The following NVL variants were observed in gnomAD, a reference collection of about 807,000 sequenced individuals.
The protein encoded by NVL is nuclear VCP like, also known as nuclear valosin-containing protein-like.
A neutral mutation model predicts 110.2 loss-of-function variants in NVL; 84 were observed. The observed-to-expected ratio is 0.76, with a 90% confidence interval of 0.64 to 0.91. The LOEUF is 0.91. Among genes scored for constraint, NVL ranks in the 40% least tolerant of loss-of-function variants. The pLI is 0.00. For missense variants in NVL, 882 were observed against 1,035.9 expected, an observed-to-expected ratio of 0.85 and a Z score of 2.04; for synonymous variants, 354 against 361.1, an observed-to-expected ratio of 0.98 and a Z score of 0.22.
chr1:224,317,775 C>T lies in NVL; in HGVS notation c.203G>A (p.Ser68Asn). 1.2e-6 allele frequency: 2 copies of T among 1,602,870 alleles called. No homozygotes were observed. Among genetic ancestry groups the T allele is most frequent in the South Asian group, 1.1e-5 (1 of 90,580 alleles). Residue 68 changes from serine (S) to asparagine (N), a missense_variant, in exon 4 of 23, where the codon AGT (serine) becomes AAT (asparagine). Ser to Asn is a conservative substitution (Grantham distance 46). This residue lies in a region of NVL where 274 missense variants were observed against 268.4 expected (regional missense o/e 1.02). Transcript: ENST00000281701. ...QVEKVFSIIS[S>N]EKELKNLTEL... ...TGTTAAATTCTTAAGTTCCTTCTCACTACTAATTATGCTAAATACTGAAAC... is the reference window on the plus strand; with the variant it reads ...TGTTAAATTCTTAAGTTCCTTCTCATTACTAATTATGCTAAATACTGAAAC...
chr1:224,292,799 G>A (rs1168189090), intron 12 of NVL, among the ~76,000 whole-genome samples: 2 of 151,680 alleles, frequency 1.3e-5, no homozygotes, highest in African/African-American at 4.8e-5. Flanking sequence ...CAGGCTGGAT[G>A]GAGTACAGTG....
At chr1:224,327,906 G>T (rs1671294244) in intron 1 of NVL, among the ~76,000 whole-genome samples, 1 of 151,832 alleles carries the variant, frequency 6.6e-6, no homozygotes, top group African/African-American at 2.4e-5. Flanking sequence ...AAGGTCCTGT[G>T]CTTGGCATGT....
intron 5 of NVL, among the ~76,000 whole-genome samples, chr1:224,310,178 CAAAAAA>C (rs1230097656): frequency 2.6e-5 from 1 of 39,214 alleles, no homozygotes; most frequent in Middle Eastern, 0.013. Context: ...GACTCCCTCG[CAAAAAA>C]AAAAAAAAAA....
rs1449532522 is a variant in NVL, at chr1:224,269,277, C to T, written c.2083-1144G>A. ...TAATTTTCATATTTTTTCTAGAGAT[C>T]CTGTTGCTATATTGCCCAGGCTAGT... On this transcript the variant is annotated intron_variant, in intron 17 of 22. Coordinates refer to ENST00000281701, the MANE Select transcript of NVL (RefSeq NM_002533.4). Among the ~76,000 whole-genome samples the T allele has an allele frequency of 7.3e-5, 11 of 151,346 alleles. 1 individual carries two copies. Among genetic ancestry groups the T allele is most frequent in the Admixed American group, 7.2e-4 (11 of 15,180 alleles).
intron 17 of NVL, among the ~76,000 whole-genome samples, chr1:224,273,612 G>C (rs1456898944): frequency 6.6e-6 from 1 of 152,142 alleles, no homozygotes; most frequent in African/African-American, 2.4e-5. Flanking sequence ...AGATTTACCA[G>C]CTGACAGTAG....
At chr1:224,260,087 C>G (rs1571866185) in intron 18 of NVL, among the ~76,000 whole-genome samples, 2 of 152,302 alleles carry the variant, frequency 1.3e-5, no homozygotes, top group South Asian at 4.1e-4. Flanking sequence ...GCAAAACATA[C>G]AGGGTTGACC....
chr1:224,310,194 A>G (rs201324659), intron 5 of NVL, among the ~76,000 whole-genome samples: 36 of 151,826 alleles, frequency 2.4e-4, no homozygotes, highest in Middle Eastern at 6.8e-3. Context: ...AAAAAAAAAA[A>G]AAAGAAAGAA....
chr1:224,316,371 A>G (rs1558354939), intron 4 of NVL, among the ~76,000 whole-genome samples: 1 of 152,142 alleles, frequency 6.6e-6, no homozygotes, highest in Non-Finnish European at 1.5e-5. Flanking sequence ...AATGTAACAT[A>G]CAGTGACAGA....
intron 20 of NVL, among the ~76,000 whole-genome samples, chr1:224,233,629 TG>T (rs1660148687): frequency 6.6e-6 from 1 of 152,068 alleles, no homozygotes. Context: ...CATGGTGGCA[TG>T]CACCTGTAGT....
chr1:224,265,790 G>A lies in NVL; in HGVS notation c.2182+2244C>T, dbSNP rs577822073. 8.6e-5 allele frequency among the ~76,000 whole-genome samples: 13 copies of A among 152,020 alleles called. No individual in the cohort carries two copies. The South Asian group carries it at 2.5e-3, about 29-fold the overall frequency. On this transcript the variant is annotated intron_variant, in intron 18 of 22. Coordinates refer to ENST00000281701, the MANE Select transcript of NVL (RefSeq NM_002533.4). The stretch of plus-strand genomic sequence containing the variant: ...GACTCTTGATAAAAGGATATGTTTC[G>A]CCACTCTCACTATTTTTTAAATAAT...
In NVL at chr1:224,273,069, A is replaced by C. The variant is rs563356751; in HGVS notation, c.2082+2270T>G. Among the ~76,000 whole-genome samples, 171 of 148,184 alleles carry C rather than the reference A, an allele frequency of 1.2e-3. 1 individual carries two copies. The highest frequency in any genetic ancestry group is 3.8e-3 in the African/African-American group (145 of 38,450). On this transcript the variant is annotated intron_variant, in intron 17 of 22. Transcript: ENST00000281701. The stretch of plus-strand genomic sequence containing the variant: ...AAAAAAAACAAACAAACAAAAAAAA[A>C]CACAACAAAAACACAAGAAAAGAAA...
intron 18 of NVL, among the ~76,000 whole-genome samples, chr1:224,253,451 CTGGCCGGG>C (rs1451469094): frequency 3.3e-5 from 5 of 151,636 alleles, no homozygotes; most frequent in Non-Finnish European, 7.4e-5. Flanking sequence ...TAAGAAATTG[CTGGCCGGG>C]TGGAGTGGCT....
chr1:224,261,686 T>A (rs1396944898), intron 18 of NVL, among the ~76,000 whole-genome samples: 1 of 152,178 alleles, frequency 6.6e-6, no homozygotes, highest in Non-Finnish European at 1.5e-5. Flanking sequence ...GCACGGTGGT[T>A]CACACCTGTA....
In NVL at chr1:224,308,234, C is replaced by G; in HGVS notation, c.372G>C (p.Leu124=). The G allele has an allele frequency of 6.2e-7, 1 of 1,609,198 alleles. No homozygotes were observed. The highest frequency in any genetic ancestry group is 8.5e-7 in the Non-Finnish European group (1 of 1,178,632). ...QSANHMNSSL[L]SLYRKGNPDS... ...CAGGATTTCCTTTCCGATATAAAGA[C>G]AGCAGGGAACTGTTCATGTGATTTG... is the stretch of plus-strand genomic sequence containing the variant. The change falls in exon 6 of 23, where the codon CTG becomes CTC. Residue 124 remains leucine (L), a synonymous_variant. Transcript: ENST00000281701.
chr1:224,232,050 A>AAAAG (rs1558228758), intron 21 of NVL: 1 of 141,126 alleles, frequency 7.1e-6, no homozygotes, highest in Admixed American at 7.3e-5. Flanking sequence ...ATAAATAAAT[A>AAAAG]AAAATACAGA....
chr1:224,253,001 C>T (rs770519031), intron 18 of NVL, among the ~76,000 whole-genome samples: 3 of 152,082 alleles, frequency 2.0e-5, no homozygotes, highest in Non-Finnish European at 4.4e-5. Flanking sequence ...TTGGGTTTCA[C>T]CCAAGTTGTT....
chr1:224,259,210 T>A (rs1663660484), intron 18 of NVL, among the ~76,000 whole-genome samples: 2 of 151,950 alleles, frequency 1.3e-5, no homozygotes, highest in South Asian at 4.1e-4. Flanking sequence ...TGCCTCAGCC[T>A]CCTAAGTAGC....
intron 12 of NVL, among the ~76,000 whole-genome samples, chr1:224,293,113 A>G (rs1444891864): frequency 1.4e-5 from 2 of 145,256 alleles, no homozygotes; most frequent in African/African-American, 2.6e-5. Flanking sequence ...TCTGTCGCCC[A>G]GGCTGGAGTG....
intron 1 of NVL, among the ~76,000 whole-genome samples, 187 bp from the exon 2 acceptor site, chr1:224,326,651 T>A (rs1671174078): frequency 6.6e-6 from 1 of 152,190 alleles, no homozygotes; most frequent in Non-Finnish European, 1.5e-5. Context: ...TTAATTAACA[T>A]TATTAATCAC....
Sources: allele counts gnomAD v4.1 joint callset (sites outside exome capture counted in the v4.1 genomes callset), GRCh38; gene constraint gnomAD v4.1.1; regional missense constraint gnomAD v4.1.1; transcripts MANE v1.5; gene names NCBI Gene and HGNC (gene_info 2026-07-23, HGNC 2026-07-21).